DMD: variants seen among roughly 807,000 people sequenced by gnomAD.
DMD encodes the protein dystrophin, also known as mutant dystrophin.
A neutral mutation model predicts 330.1 loss-of-function variants in DMD; 63 were observed. The observed-to-expected ratio is 0.19, with a 90% confidence interval of 0.16 to 0.24. The LOEUF is 0.24. Ranked by LOEUF, DMD falls within the 10% of genes least tolerant of loss-of-function variation. The probability of loss-of-function intolerance (pLI) is 1.00; values close to 1 mark genes in which losing one functional copy is unlikely to be tolerated. For synonymous variants in DMD, 1,223 were observed against 959.8 expected, an observed-to-expected ratio of 1.27 and a Z score of -5.07; for missense variants, 3,344 against 2,684.1, an observed-to-expected ratio of 1.25 and a Z score of -5.43.
chrX:32,983,495 C>T (rs2092758047), intron 2 of DMD, among the ~76,000 whole-genome samples: 1 of 106,916 alleles, frequency 9.4e-6, no homozygotes, highest in Non-Finnish European at 1.9e-5. Context: ...TTCCCCTACA[C>T]CTGCACATGT....
At chrX:32,417,577 C>T (rs1379027968) in intron 29 of DMD, among the ~76,000 whole-genome samples, 1 of 111,051 alleles carries the variant, frequency 9.0e-6, no homozygotes, top group East Asian at 2.9e-4. Context: ...CCTGTACTCC[C>T]CAGTGCTTGG....
intron 7 of DMD, among the ~76,000 whole-genome samples, chrX:32,754,680 G>A (rs185374917): frequency 1.3e-4 from 15 of 111,436 alleles, no homozygotes; most frequent in Admixed American, 3.8e-4. Flanking sequence ...CAAACTTATC[G>A]CAGATTTAAA....
chrX:32,489,415 A>G (rs143204789), intron 20 of DMD, among the ~76,000 whole-genome samples: 2,704 of 110,494 alleles, frequency 0.024, 63 homozygotes, highest in East Asian at 0.12. Flanking sequence ...GAGAGAGAGA[A>G]AGAAAAATAG....
intron 43 of DMD, among the ~76,000 whole-genome samples, chrX:32,245,997 A>C (rs1230092421): frequency 1.0e-5 from 1 of 96,145 alleles, no homozygotes; most frequent in Non-Finnish European, 2.1e-5. Context: ...TTCCAACACT[A>C]TGTTGAATAG....
intron 62 of DMD, among the ~76,000 whole-genome samples, chrX:31,314,481 G>A (rs1370383962): frequency 8.9e-6 from 1 of 111,787 alleles, no homozygotes; most frequent in Admixed American, 9.5e-5. Context: ...GAAAAAAGCA[G>A]TTGAGAGTTT....
At chrX:32,406,945 C>T (rs1342825859) in intron 30 of DMD, among the ~76,000 whole-genome samples, 1 of 111,238 alleles carries the variant, frequency 9.0e-6, no homozygotes, top group African/African-American at 3.3e-5. Flanking sequence ...AAACTGGATC[C>T]CTTCCTTACA....
chrX:32,301,925 T>C (rs1294165674), intron 42 of DMD, among the ~76,000 whole-genome samples: 1 of 111,313 alleles, frequency 9.0e-6, no homozygotes, highest in Non-Finnish European at 1.9e-5. Flanking sequence ...ATCCTCTTCT[T>C]GGTAAAAGTT....
chrX:32,710,768 C>A (rs2065116229), intron 7 of DMD, among the ~76,000 whole-genome samples: 1 of 111,044 alleles, frequency 9.0e-6, no homozygotes, highest in African/African-American at 3.3e-5. Context: ...AAATTTTGTG[C>A]TAAGCGTCTG....
intron 7 of DMD, among the ~76,000 whole-genome samples, chrX:32,778,160 A>G (rs1427437576): frequency 9.1e-6 from 1 of 109,722 alleles, no homozygotes; most frequent in Non-Finnish European, 1.9e-5. Context: ...TGACTGTGCC[A>G]GGTAAGAAGC....
chrX:31,456,137 GAT>G, intron 59 of DMD, among the ~76,000 whole-genome samples: 1 of 111,231 alleles, frequency 9.0e-6, no homozygotes, highest in Middle Eastern at 4.2e-3. Flanking sequence ...CTTAAATAAT[GAT>G]ATGAACTAAG....
intron 2 of DMD, among the ~76,000 whole-genome samples, chrX:32,861,221 C>T (rs962920312): frequency 8.9e-6 from 1 of 112,205 alleles, no homozygotes; most frequent in African/African-American, 3.2e-5. Context: ...AGCTATCACA[C>T]GTTTATTCCA....
intron 30 of DMD, among the ~76,000 whole-genome samples, chrX:32,391,140 C>A (rs1258088869): frequency 9.0e-6 from 1 of 111,470 alleles, no homozygotes; most frequent in Non-Finnish European, 1.9e-5. Flanking sequence ...TTATTTATTT[C>A]TGTCAAATCC....
intron 17 of DMD, among the ~76,000 whole-genome samples, chrX:32,529,472 C>T (rs1382210203): frequency 1.0e-5 from 1 of 96,549 alleles, no homozygotes; most frequent in Non-Finnish European, 2.0e-5. Flanking sequence ...AATCTCACTG[C>T]AACCCCCGCC....
intron 44 of DMD, among the ~76,000 whole-genome samples, chrX:32,023,357 AG>A (rs2095821687): frequency 9.0e-6 from 1 of 111,409 alleles, no homozygotes; most frequent in African/African-American, 3.3e-5. Context: ...AACCAGCATT[AG>A]TTCTGCTGTT....
intron 44 of DMD, among the ~76,000 whole-genome samples, chrX:32,063,175 TTAAG>T (rs2096239166): frequency 1.3e-5 from 1 of 76,067 alleles, no homozygotes; most frequent in Non-Finnish European, 2.4e-5. Context: ...AAATAATGTT[TTAAG>T]TATGTCTAAC....
At chrX:32,740,642 C>A (rs2069133012) in intron 7 of DMD, among the ~76,000 whole-genome samples, 1 of 111,389 alleles carries the variant, frequency 9.0e-6, no homozygotes, top group African/African-American at 3.3e-5. Flanking sequence ...AAGTTTATGA[C>A]ACAAAATTGG....
chrX:32,361,330 G>T (rs1387147329), intron 37 of DMD, among the ~76,000 whole-genome samples: 1 of 110,980 alleles, frequency 9.0e-6, no homozygotes, highest in African/African-American at 3.3e-5. Flanking sequence ...TTTTTTTGCA[G>T]GTAATAATGA....
chrX:31,796,881 CTT>C (rs902435232), intron 50 of DMD, among the ~76,000 whole-genome samples: 7 of 110,809 alleles, frequency 6.3e-5, no homozygotes, highest in Non-Finnish European at 9.4e-5. Flanking sequence ...CCCTCTCTCT[CTT>C]GTTTATGCTC....
chrX:31,437,141 T>C (rs752887257), intron 60 of DMD, among the ~76,000 whole-genome samples: 8 of 111,847 alleles, frequency 7.2e-5, no homozygotes, highest in Admixed American at 6.7e-4. Context: ...AACTGGAGAA[T>C]TGCCACATAA....
Sources: gnomAD v4.1 joint callset for allele counts (sites outside exome capture counted in the v4.1 genomes callset) on GRCh38, gnomAD v4.1.1 for gene constraint, MANE v1.5 for transcripts, NCBI Gene and HGNC (gene_info 2026-07-23, HGNC 2026-07-21) for gene names.